CDH8: variants seen among roughly 807,000 people sequenced by gnomAD.
CDH8 encodes cadherin 8, also known as cadherin-8.
In CDH8, 17 loss-of-function variants were observed where a neutral mutation model predicts 68.1. The ratio of observed to expected loss-of-function variants is 0.25; its 90% CI spans 0.17 to 0.37. CDH8 has a LOEUF of 0.37. CDH8 is among the 10% of genes least tolerant of loss of function. The pLI is 1.00. For missense variants in CDH8, 763 were observed against 999.3 expected (o/e 0.76, Z 3.19); for synonymous variants, 372 against 365.1 (o/e 1.02, Z -0.21).
At chr16:61,931,288 C>T (rs775990682) in intron 2 of CDH8, among the ~76,000 whole-genome samples, 6 of 152,080 alleles carry the variant, frequency 3.9e-5, no homozygotes, top group Non-Finnish European at 5.9e-5. Flanking sequence ...CTCAGCCTTC[C>T]GAGTAGCTGA....
intron 4 of CDH8, among the ~76,000 whole-genome samples, chr16:61,853,335 A>G (rs568514976): frequency 1.3e-5 from 2 of 152,226 alleles, no homozygotes; most frequent in East Asian, 1.9e-4. Context: ...AGATACATAC[A>G]AGATTTATTG....
At chr16:62,010,976 C>A (rs1901796149) in intron 2 of CDH8, among the ~76,000 whole-genome samples, 1 of 151,556 alleles carries the variant, frequency 6.6e-6, no homozygotes, top group Non-Finnish European at 1.5e-5. Flanking sequence ...TTTTCTCCCC[C>A]ATTTTCATGT....
chr16:61,667,014 A>C (rs1335834434), intron 10 of CDH8, among the ~76,000 whole-genome samples: 1 of 152,050 alleles, frequency 6.6e-6, no homozygotes, highest in East Asian at 1.9e-4. Flanking sequence ...ATAAAAACTA[A>C]GTCTTTGTGA....
intron 6 of CDH8, among the ~76,000 whole-genome samples, chr16:61,818,281 T>A (rs1160721040): frequency 3.9e-5 from 6 of 152,140 alleles, no homozygotes; most frequent in African/African-American, 1.4e-4. Flanking sequence ...AAAGCATTGC[T>A]ACTCTACTGA....
chr16:61,819,355 T>A (rs1962158074), intron 6 of CDH8, among the ~76,000 whole-genome samples: 1 of 152,076 alleles, frequency 6.6e-6, no homozygotes. Flanking sequence ...AATGGCTAAT[T>A]GTTTCAGTTT....
intron 10 of CDH8, among the ~76,000 whole-genome samples, chr16:61,668,980 T>G (rs1414119018): frequency 6.6e-6 from 1 of 152,088 alleles, no homozygotes; most frequent in East Asian, 1.9e-4. Context: ...CACAGTGTTT[T>G]CAAAATATTG....
chr16:61,912,221 G>GT (rs1166891081), intron 2 of CDH8, among the ~76,000 whole-genome samples: 1 of 151,704 alleles, frequency 6.6e-6, no homozygotes, highest in East Asian at 1.9e-4. Flanking sequence ...TACAATTGAG[G>GT]TTTTTAAAAA....
intron 2 of CDH8, among the ~76,000 whole-genome samples, chr16:61,953,924 T>TATATAC (rs1439521997): frequency 4.2e-4 from 53 of 127,524 alleles, no homozygotes; most frequent in African/African-American, 1.6e-3. Context: ...TATATATATA[T>TATATAC]ATAAAATACC....
intron 8 of CDH8, among the ~76,000 whole-genome samples, chr16:61,779,322 A>G (rs1040358120): frequency 5.3e-5 from 8 of 152,068 alleles, no homozygotes; most frequent in African/African-American, 1.4e-4. Flanking sequence ...TCCTATGGCT[A>G]TAATCAGCAT....
intron 10 of CDH8, among the ~76,000 whole-genome samples, chr16:61,664,212 A>G (rs993896393): frequency 1.1e-4 from 16 of 151,950 alleles, no homozygotes; most frequent in Non-Finnish European, 7.4e-5. Flanking sequence ...TTCTTTCTGT[A>G]TAATTTCTTT....
chr16:61,813,625 T>A (rs1342511709), intron 7 of CDH8, among the ~76,000 whole-genome samples: 1 of 152,022 alleles, frequency 6.6e-6, no homozygotes, highest in Non-Finnish European at 1.5e-5. Flanking sequence ...CCGGGAGGAT[T>A]CAATCTGTGA....
At chr16:61,726,778 T>C (rs1029131436) in intron 9 of CDH8, 28 of 382,600 alleles carry the variant, frequency 7.3e-5, no homozygotes, top group Non-Finnish European at 9.3e-6. Context: ...CATTTGAAAG[T>C]AAAAATTCAG....
intron 7 of CDH8, among the ~76,000 whole-genome samples, chr16:61,803,837 A>C (rs1961724423): frequency 7.4e-6 from 1 of 135,360 alleles, no homozygotes; most frequent in Non-Finnish European, 1.6e-5. Flanking sequence ...AGTGACCTAC[A>C]AAGAGACTTA....
Position 61,647,673 on chromosome 16 carries a change from T to A in CDH8, c.*5935A>T. ...GTCATGGTCCATCTTAGAGCATAAT[T>A]GTTAAAATTTTCCTCTTATTTTTGA... On this transcript the variant is annotated 3_prime_UTR_variant, in exon 12 of 12. Transcript: ENST00000577390. The A allele has an allele frequency of 4.8e-6, 3 of 625,202 alleles. No homozygotes were observed. Among genetic ancestry groups the A allele is most frequent in the Non-Finnish European group, 8.5e-6 (3 of 351,330 alleles). 38.7% of individuals were successfully genotyped at this position (625,202 alleles called of 1,614,324 possible).
chr16:61,782,229 C>T (rs1490294563), intron 8 of CDH8, among the ~76,000 whole-genome samples: 3 of 152,108 alleles, frequency 2.0e-5, no homozygotes, highest in African/African-American at 7.2e-5. Flanking sequence ...CCAGTGGGTG[C>T]GCGCACCGTC....
intron 10 of CDH8, among the ~76,000 whole-genome samples, chr16:61,681,791 T>A (rs1964017174): frequency 6.6e-6 from 1 of 151,732 alleles, no homozygotes; most frequent in South Asian, 2.1e-4. Context: ...ATTGGAAGAG[T>A]AGTTGCAAAG....
Position 61,751,636 on chromosome 16 carries a change from CA to C in CDH8, c.1415-24422del, listed in dbSNP as rs145954856. On this transcript the variant is annotated intron_variant, in intron 8 of 11. Transcript: ENST00000577390. ...TCGCTGCATAAAAACACTGTAGTGA[CA>C]ACTCTGAATTCAAATGCAAGGTTAG... 8.2e-3 allele frequency among the ~76,000 whole-genome samples: 1,253 copies of C among 152,080 alleles called. 27 individuals are homozygous for C. Among genetic ancestry groups the C allele is most frequent in the African/African-American group, 0.028 (1,168 of 41,502 alleles).
At chr16:61,703,789 G>C (rs544422023) in intron 10 of CDH8, among the ~76,000 whole-genome samples, 2 of 152,158 alleles carry the variant, frequency 1.3e-5, no homozygotes, top group African/African-American at 4.8e-5. Flanking sequence ...GCAGTGAGCC[G>C]AGATCGTGCC....
intron 2 of CDH8, among the ~76,000 whole-genome samples, chr16:61,971,030 C>T (rs1447853147): frequency 6.6e-6 from 1 of 152,100 alleles, no homozygotes; most frequent in Non-Finnish European, 1.5e-5. Context: ...GTAATCTCCC[C>T]CACCCTTAAG....
Sources: allele counts gnomAD v4.1 joint callset (sites outside exome capture counted in the v4.1 genomes callset), GRCh38; gene constraint gnomAD v4.1.1; transcripts MANE v1.5; gene names NCBI Gene and HGNC (gene_info 2026-07-23, HGNC 2026-07-21).